IMMP2L: variants seen among roughly 807,000 people sequenced by gnomAD.
The protein encoded by IMMP2L is inner mitochondrial membrane peptidase subunit 2, also known as mitochondrial inner membrane protease subunit 2.
Under a neutral mutation model 19.3 loss-of-function variants are expected in IMMP2L, and 18 were observed. The observed-to-expected ratio is 0.93, with a 90% confidence interval of 0.64 to 1.38. The LOEUF is 1.38. Among genes scored for constraint, IMMP2L ranks in the 40% most tolerant of loss-of-function variants. IMMP2L has a pLI of 0.00. For missense variants in IMMP2L, 233 were observed against 218.2 expected, an observed-to-expected ratio of 1.07 and a Z score of -0.43; for synonymous variants, 76 against 73.0, an observed-to-expected ratio of 1.04 and a Z score of -0.21.
At chr7:111,142,453 A>G (rs1001869943) in intron 3 of IMMP2L, among the ~76,000 whole-genome samples, 5 of 152,156 alleles carry the variant, frequency 3.3e-5, no homozygotes, top group Non-Finnish European at 7.3e-5. Context: ...AGCTGCCTGC[A>G]TAACTTTCAT....
intron 4 of IMMP2L, chr7:110,962,948 G>T: frequency 7.0e-7 from 1 of 1,426,392 alleles, no homozygotes; most frequent in South Asian, 1.6e-5. Flanking sequence ...AATTGTTCTT[G>T]ATTTATCAGC....
At chr7:110,686,600 C>T (rs1423340839) in intron 5 of IMMP2L, among the ~76,000 whole-genome samples, 1 of 151,998 alleles carries the variant, frequency 6.6e-6, no homozygotes, top group African/African-American at 2.4e-5. Flanking sequence ...ATTTTGGGAT[C>T]TCCCTATTGC....
At chr7:110,776,668 C>T (rs1799408839) in intron 5 of IMMP2L, among the ~76,000 whole-genome samples, 1 of 151,962 alleles carries the variant, frequency 6.6e-6, no homozygotes, top group Admixed American at 6.6e-5. Context: ...CAGATTATAA[C>T]TTGTTTTCAT....
intron 5 of IMMP2L, among the ~76,000 whole-genome samples, chr7:110,747,816 G>A (rs559182164): frequency 2.6e-5 from 4 of 152,114 alleles, no homozygotes; most frequent in Non-Finnish European, 5.9e-5. Context: ...AAAACTGGAA[G>A]CATTCCCTTT....
chr7:110,713,020 A>T (rs555032656), intron 5 of IMMP2L, among the ~76,000 whole-genome samples: 1 of 152,130 alleles, frequency 6.6e-6, no homozygotes, highest in Non-Finnish European at 1.5e-5. Context: ...CTATTCGGCC[A>T]TCTTCGTATG....
intron 2 of IMMP2L, among the ~76,000 whole-genome samples, chr7:111,491,053 T>G (rs747964995): frequency 6.6e-6 from 1 of 152,060 alleles, no homozygotes; most frequent in Non-Finnish European, 1.5e-5. Flanking sequence ...TTTCTCCTCC[T>G]CCTCCTTAGC....
At chr7:110,935,181 G>C (rs1001241643) in intron 4 of IMMP2L, among the ~76,000 whole-genome samples, 1 of 152,086 alleles carries the variant, frequency 6.6e-6, no homozygotes. Flanking sequence ...AGCTCTTGTA[G>C]GGCAGGCCTG....
chr7:111,381,856 G>A lies in IMMP2L; in HGVS notation c.239+105382C>T, dbSNP rs749881898. Among the ~76,000 whole-genome samples, 24 of 151,944 alleles carry A rather than the reference G, an allele frequency of 1.6e-4. 1 individual carries two copies. Among genetic ancestry groups the A allele is most frequent in the Admixed American group, 3.3e-4 (5 of 15,218 alleles). On this transcript the variant is annotated intron_variant, in intron 3 of 5. Transcript: ENST00000405709. The stretch of plus-strand genomic sequence containing the variant: ...TACTATAATGAGCTAAATGGAAGTC[G>A]GAAATGCTTACCAACTCTCTGGTTT...
At chr7:111,389,143 C>T (rs1262328188) in intron 3 of IMMP2L, among the ~76,000 whole-genome samples, 2 of 152,074 alleles carry the variant, frequency 1.3e-5, no homozygotes, top group Non-Finnish European at 2.9e-5. Flanking sequence ...CATAGCATCG[C>T]TTTTGTGGTA....
chr7:111,018,791 TTATTATTA>T (rs1563165488), intron 3 of IMMP2L, among the ~76,000 whole-genome samples: 7 of 6,790 alleles, frequency 1.0e-3, no homozygotes, highest in East Asian at 2.4e-3. Context: ...TGTCTTTTTA[TTATTATTA>T]TTATTATTAT....
At chr7:111,315,075 T>C (rs1018453200) in intron 3 of IMMP2L, among the ~76,000 whole-genome samples, 2 of 152,188 alleles carry the variant, frequency 1.3e-5, no homozygotes, top group African/African-American at 4.8e-5. Flanking sequence ...TTCTCACTTC[T>C]TTTAAGGTGG....
intron 5 of IMMP2L, among the ~76,000 whole-genome samples, chr7:110,872,488 T>A (rs966636266): frequency 1.3e-5 from 2 of 152,148 alleles, no homozygotes; most frequent in Non-Finnish European, 2.9e-5. Flanking sequence ...CCCTGTATTA[T>A]CTGGGAACAA....
rs1795775445 is a variant in IMMP2L at position 111,080,237 on chromosome 7, T to C, written c.240-116672A>G. Among the ~76,000 whole-genome samples the C allele has an allele frequency of 2.6e-5, 4 of 152,302 alleles. No individual in the cohort carries two copies. In the South Asian group the frequency reaches 8.3e-4, roughly 32 times the overall value. ...ATTGCTGCAGGCAGAAACAGAATTA[T>C]AATGAATATCTCATGTTCTGTGGTA... On this transcript the variant is annotated intron_variant, in intron 3 of 5. Transcript: ENST00000405709.
At chr7:111,102,311 G>A (rs1798063092) in intron 3 of IMMP2L, among the ~76,000 whole-genome samples, 2 of 151,236 alleles carry the variant, frequency 1.3e-5, no homozygotes, top group Non-Finnish European at 3.0e-5. Context: ...GCATCATGAT[G>A]ACCAAAACTT....
At chr7:111,542,721 G>C (rs1704412287) in intron 1 of IMMP2L, among the ~76,000 whole-genome samples, 1 of 152,118 alleles carries the variant, frequency 6.6e-6, no homozygotes, top group African/African-American at 2.4e-5. Context: ...TATGTAAAAG[G>C]TAAATGTTCA....
intron 4 of IMMP2L, among the ~76,000 whole-genome samples, chr7:110,909,505 G>T (rs373961936): frequency 6.6e-6 from 1 of 152,132 alleles, no homozygotes; most frequent in Non-Finnish European, 1.5e-5. Flanking sequence ...GTGAAAGCAC[G>T]AGAACGGTGC....
intron 3 of IMMP2L, among the ~76,000 whole-genome samples, chr7:111,267,191 CTT>C (rs1817924879): frequency 6.6e-6 from 1 of 151,904 alleles, no homozygotes; most frequent in Admixed American, 6.6e-5. Context: ...GGTTGATAAT[CTT>C]TCTTTCTTCT....
intron 4 of IMMP2L, among the ~76,000 whole-genome samples, chr7:110,934,410 C>T (rs1390355115): frequency 6.6e-6 from 1 of 152,142 alleles, no homozygotes; most frequent in Non-Finnish European, 1.5e-5. Flanking sequence ...TTTTCTGTCT[C>T]ATTGATCTAA....
intron 3 of IMMP2L, among the ~76,000 whole-genome samples, chr7:111,441,508 T>C (rs1837714787): frequency 6.6e-6 from 1 of 151,764 alleles, no homozygotes; most frequent in Non-Finnish European, 1.5e-5. Context: ...GGGCATGTTA[T>C]ATGAGTGTGG....
Sources: gnomAD v4.1 joint callset for allele counts (sites outside exome capture counted in the v4.1 genomes callset) on GRCh38, gnomAD v4.1.1 for gene constraint, MANE v1.5 for transcripts, NCBI Gene and HGNC (gene_info 2026-07-23, HGNC 2026-07-21) for gene names.